DOK6: variants seen among roughly 807,000 people sequenced by gnomAD.
DOK6 encodes downstream of tyrosine kinase 6.
Under a neutral mutation model 44.0 loss-of-function variants are expected in DOK6, and 22 were observed. That is an observed-to-expected ratio of 0.50 (90% CI 0.36 to 0.71). The LOEUF (loss-of-function observed/expected upper bound fraction) is 0.71. Among genes scored for constraint, DOK6 ranks in the 30% least tolerant of loss-of-function variants. The pLI, the probability that DOK6 is intolerant of heterozygous loss-of-function variation, is 0.00. For synonymous variants in DOK6, 166 were observed against 145.5 expected, an observed-to-expected ratio of 1.14 and a Z score of -1.01; for missense variants, 340 against 416.4, an observed-to-expected ratio of 0.82 and a Z score of 1.60.
At chr18:69,746,449 T>C (rs879903488) in intron 6 of DOK6, among the ~76,000 whole-genome samples, 2 of 152,036 alleles carry the variant, frequency 1.3e-5, no homozygotes, top group African/African-American at 4.8e-5. Context: ...GTAGAGAGCA[T>C]TTTGCCATGT....
intron 3 of DOK6, among the ~76,000 whole-genome samples, chr18:69,615,060 T>C (rs1984253358): frequency 1.3e-5 from 2 of 152,176 alleles, no homozygotes; most frequent in African/African-American, 4.8e-5. Context: ...TGTAAGATAG[T>C]AAAACAACTA....
At chr18:69,795,142 G>C (rs558921623) in intron 7 of DOK6, among the ~76,000 whole-genome samples, 12 of 152,044 alleles carry the variant, frequency 7.9e-5, no homozygotes, top group Non-Finnish European at 1.3e-4. Flanking sequence ...GGTTGTGGGC[G>C]TCTGATATAG....
chr18:69,430,534 G>T (rs1978774953), intron 1 of DOK6, among the ~76,000 whole-genome samples: 1 of 152,108 alleles, frequency 6.6e-6, no homozygotes. Flanking sequence ...TCCTCATTAG[G>T]ATTAGTATCA....
At chr18:69,510,425 C>T (rs1477831056) in intron 1 of DOK6, among the ~76,000 whole-genome samples, 1 of 152,108 alleles carries the variant, frequency 6.6e-6, no homozygotes, top group Non-Finnish European at 1.5e-5. Flanking sequence ...TTATTAACTT[C>T]TTTACTAATT....
At chr18:69,774,876 C>A (rs1020421167) in intron 7 of DOK6, among the ~76,000 whole-genome samples, 1 of 151,584 alleles carries the variant, frequency 6.6e-6, no homozygotes, top group Non-Finnish European at 1.5e-5. Context: ...TGAGTTCCAG[C>A]ATGAAAAAAA....
intron 7 of DOK6, among the ~76,000 whole-genome samples, chr18:69,813,545 C>G (rs1293959914): frequency 6.6e-6 from 1 of 151,870 alleles, no homozygotes; most frequent in Non-Finnish European, 1.5e-5. Context: ...AAAAGGAAAC[C>G]CTCTAACCTT....
intron 7 of DOK6, among the ~76,000 whole-genome samples, chr18:69,816,248 C>G (rs1461266588): frequency 6.6e-6 from 1 of 152,190 alleles, no homozygotes; most frequent in Non-Finnish European, 1.5e-5. Flanking sequence ...TTGCCAGGCC[C>G]CTTTCCAAAT....
intron 1 of DOK6, among the ~76,000 whole-genome samples, chr18:69,438,048 A>G (rs1041169673): frequency 4.6e-5 from 7 of 152,166 alleles, no homozygotes; most frequent in African/African-American, 1.7e-4. Flanking sequence ...GTCTTGCCTC[A>G]ATGTTGATGG....
intron 3 of DOK6, among the ~76,000 whole-genome samples, chr18:69,628,327 C>A (rs1984607045): frequency 6.6e-6 from 1 of 152,062 alleles, no homozygotes; most frequent in Non-Finnish European, 1.5e-5. Flanking sequence ...CCCATGTTTA[C>A]TAAAATATAA....
intron 7 of DOK6, among the ~76,000 whole-genome samples, chr18:69,815,202 A>G (rs979676565): frequency 6.6e-6 from 1 of 152,162 alleles, no homozygotes; most frequent in Non-Finnish European, 1.5e-5. Flanking sequence ...GGCGGGCCAC[A>G]CATCCTCCTG....
intron 7 of DOK6, among the ~76,000 whole-genome samples, chr18:69,766,333 C>T (rs1435133392): frequency 6.6e-6 from 1 of 152,144 alleles, no homozygotes; most frequent in African/African-American, 2.4e-5. Flanking sequence ...GTAACCATAA[C>T]CTCAGCATCA....
rs1555670147 is a variant in DOK6 at position 69,774,133 on chromosome 18, G to GAGATATATATATATATATATATATATAT, written c.856+16261_856+16262insGATATATATATATATATATATATATATA. 6.1e-4 allele frequency among the ~76,000 whole-genome samples: 41 copies of GAGATATATATATATATATATATATATAT among 66,892 alleles called. 2 individuals carry two copies. The highest frequency in any genetic ancestry group is 5.9e-3 in the Admixed American group (28 of 4,766). 43.9% of individuals were successfully genotyped at this position (66,892 alleles called of 152,430 possible). ...TAGATTTATATAGATATATATATGA[G>GAGATATATATATATATATATATATATAT]ATATATATATATATATATATATAAT... On this transcript the variant is annotated intron_variant, in intron 7 of 7. Coordinates refer to ENST00000382713, the MANE Select transcript of DOK6 (RefSeq NM_152721.6).
chr18:69,437,607 G>A lies in DOK6; in HGVS notation c.66+36297G>A, dbSNP rs149179654. ...ATAGTTTGAAGTCAGGTAGTGTGAT[G>A]CCTCCAGCTTTGTTCTTTTTGCTTA... is the stretch of plus-strand genomic sequence containing the variant. On this transcript the variant is annotated intron_variant, in intron 1 of 7. Transcript: ENST00000382713. Among the ~76,000 whole-genome samples, 2,518 of 152,246 alleles carry A rather than the reference G, an allele frequency of 0.017. 235 individuals carry two copies. The East Asian group carries it at 0.29, about 18-fold the overall frequency.
intron 3 of DOK6, among the ~76,000 whole-genome samples, chr18:69,621,532 T>C (rs1294867388): frequency 6.6e-6 from 1 of 152,196 alleles, no homozygotes; most frequent in African/African-American, 2.4e-5. Flanking sequence ...CTGAGGAAGT[T>C]GACTTTGCAA....
chr18:69,612,047 C>A (rs865868844), intron 3 of DOK6, among the ~76,000 whole-genome samples: 1 of 152,118 alleles, frequency 6.6e-6, no homozygotes, highest in Admixed American at 6.5e-5. Context: ...TTATACTGCT[C>A]TTTTGCAAAA....
intron 5 of DOK6, among the ~76,000 whole-genome samples, chr18:69,703,616 C>T (rs1986569792): frequency 6.6e-6 from 1 of 152,212 alleles, no homozygotes; most frequent in South Asian, 2.1e-4. Context: ...ATGCCTGATG[C>T]AGGCTTGGAC....
intron 1 of DOK6, among the ~76,000 whole-genome samples, chr18:69,438,809 G>A (rs928099699): frequency 3.9e-5 from 6 of 152,144 alleles, no homozygotes; most frequent in Non-Finnish European, 1.5e-5. Context: ...TAATGGTCAC[G>A]CCTATAATGC....
At chr18:69,504,687 T>C (rs1259036039) in intron 1 of DOK6, among the ~76,000 whole-genome samples, 1 of 152,166 alleles carries the variant, frequency 6.6e-6, no homozygotes, top group Non-Finnish European at 1.5e-5. Context: ...TTTCCATTTG[T>C]TTAACATGTG....
chr18:69,431,577 T>C (rs571970265), intron 1 of DOK6, among the ~76,000 whole-genome samples: 1 of 152,280 alleles, frequency 6.6e-6, no homozygotes, highest in African/African-American at 2.4e-5. Flanking sequence ...CCTGTTAACT[T>C]TGCATCGGGC....
Sources: allele counts gnomAD v4.1 joint callset (sites outside exome capture counted in the v4.1 genomes callset), GRCh38; gene constraint gnomAD v4.1.1; transcripts MANE v1.5; gene names NCBI Gene and HGNC (gene_info 2026-07-23, HGNC 2026-07-21).